Variants in RBMS3 observed in about 807,000 individuals in gnomAD.
The protein encoded by RBMS3 is RNA binding motif single stranded interacting protein 3, also known as RNA-binding motif, single-stranded-interacting protein 3.
A neutral mutation model predicts 66.8 loss-of-function variants in RBMS3; 27 were observed. That is an observed-to-expected ratio of 0.40 (90% CI 0.30 to 0.56). RBMS3 has a LOEUF of 0.56. RBMS3 is among the 20% of genes least tolerant of loss of function. The pLI is 0.40. For synonymous variants in RBMS3, 188 were observed against 183.0 expected, an observed-to-expected ratio of 1.03 and a Z score of -0.22; for missense variants, 513 against 549.5, an observed-to-expected ratio of 0.93 and a Z score of 0.66.
intron 2 of RBMS3, among the ~76,000 whole-genome samples, chr3:29,480,862 T>C (rs2043105284): frequency 6.6e-6 from 1 of 152,040 alleles, no homozygotes; most frequent in Non-Finnish European, 1.5e-5. Flanking sequence ...AGGTGATAGA[T>C]AGGGGAACAG....
At chr3:29,653,216 GA>G in intron 4 of RBMS3, among the ~76,000 whole-genome samples, 1 of 152,230 alleles carries the variant, frequency 6.6e-6, no homozygotes, top group South Asian at 2.1e-4. Context: ...TTAGCCATTA[GA>G]TCTCAGATAA....
rs1023897106 is a variant in RBMS3, at chr3:29,496,187, G to A, written c.307+7688G>A. 1.0e-4 allele frequency among the ~76,000 whole-genome samples: 11 copies of A among 106,548 alleles called. No homozygotes were observed. In the East Asian group the frequency reaches 1.1e-3, roughly 10 times the overall value. 69.9% of individuals were successfully genotyped at this position (106,548 alleles called of 152,430 possible). ...CATATAATGGGATTAGGTATACCCCGCCCACATCAAAAAAAAAAAAAAAAA... is the reference window on the plus strand; with the variant it reads ...CATATAATGGGATTAGGTATACCCCACCCACATCAAAAAAAAAAAAAAAAA... On this transcript the variant is annotated intron_variant, in intron 3 of 14. Transcript: ENST00000383767.
At chr3:29,669,606 TA>T (rs2050910164) in intron 4 of RBMS3, among the ~76,000 whole-genome samples, 1 of 152,128 alleles carries the variant, frequency 6.6e-6, no homozygotes, top group African/African-American at 2.4e-5. Context: ...ATTATTGATT[TA>T]AAAACAAAGC....
chr3:29,621,229 A>G (rs1193306763), intron 4 of RBMS3, among the ~76,000 whole-genome samples: 1 of 151,972 alleles, frequency 6.6e-6, no homozygotes, highest in Non-Finnish European at 1.5e-5. Context: ...CAGCATAATA[A>G]TTCTATGTAT....
intron 1 of RBMS3, among the ~76,000 whole-genome samples, chr3:29,431,241 A>T (rs193158118): frequency 2.5e-4 from 38 of 151,842 alleles, no homozygotes; most frequent in Non-Finnish European, 5.0e-4. Flanking sequence ...AAAAATGTTG[A>T]TACTAAAGCA....
At chr3:29,705,487 G>A (rs1394994442) in intron 4 of RBMS3, among the ~76,000 whole-genome samples, 1 of 152,150 alleles carries the variant, frequency 6.6e-6, no homozygotes, top group African/African-American at 2.4e-5. Flanking sequence ...CTGTACTTAG[G>A]CACAGCAAGT....
chr3:29,360,521 C>G (rs1446096034), intron 1 of RBMS3, among the ~76,000 whole-genome samples: 1 of 151,982 alleles, frequency 6.6e-6, no homozygotes, highest in Non-Finnish European at 1.5e-5. Flanking sequence ...AATGTATATT[C>G]TGTTGATTTG....
intron 3 of RBMS3, among the ~76,000 whole-genome samples, chr3:29,581,796 C>T (rs1469803398): frequency 1.3e-5 from 2 of 152,132 alleles, no homozygotes; most frequent in African/African-American, 4.8e-5. Flanking sequence ...CAGTTACACT[C>T]TGAGAGCAAG....
intron 10 of RBMS3, among the ~76,000 whole-genome samples, chr3:29,931,631 TCAAAACAAAA>T (rs10682087): frequency 3.3e-5 from 5 of 150,366 alleles, no homozygotes; most frequent in Admixed American, 1.3e-4. Flanking sequence ...TGAACCCTCA[TCAAAACAAAA>T]CAAAACAAAA....
At chr3:29,719,002 A>G (rs543275447) in intron 4 of RBMS3, among the ~76,000 whole-genome samples, 1 of 152,312 alleles carries the variant, frequency 6.6e-6, no homozygotes, top group Non-Finnish European at 1.5e-5. Flanking sequence ...GTGTGAACAT[A>G]TAGGTATGCT....
At chr3:29,965,358 C>T (rs937079885) in intron 12 of RBMS3, among the ~76,000 whole-genome samples, 7 of 152,084 alleles carry the variant, frequency 4.6e-5, no homozygotes, top group African/African-American at 1.7e-4. Flanking sequence ...TAGAAGTGTT[C>T]CCTGATTACT....
chr3:29,468,044 G>C (rs972838654), intron 2 of RBMS3, among the ~76,000 whole-genome samples: 3 of 152,050 alleles, frequency 2.0e-5, no homozygotes, highest in Non-Finnish European at 4.4e-5. Context: ...GAATGCTATT[G>C]ACACTTTCAG....
At chr3:29,287,970 T>G (rs572967739) in intron 1 of RBMS3, among the ~76,000 whole-genome samples, 1 of 152,198 alleles carries the variant, frequency 6.6e-6, no homozygotes, top group Non-Finnish European at 1.5e-5. Context: ...TAAAAATGTT[T>G]TGTTTTATCC....
At chr3:29,592,894 A>C (rs974105304) in intron 4 of RBMS3, among the ~76,000 whole-genome samples, 24 of 151,750 alleles carry the variant, frequency 1.6e-4, no homozygotes, top group Admixed American at 5.9e-4. Flanking sequence ...CATTCTCAGC[A>C]AACTATCGCA....
chr3:29,506,207 C>A (rs2044174918), intron 3 of RBMS3, among the ~76,000 whole-genome samples: 1 of 151,874 alleles, frequency 6.6e-6, no homozygotes, highest in Non-Finnish European at 1.5e-5. Flanking sequence ...GAGATATTAG[C>A]TATGGTCCAT....
At chr3:29,674,310 A>G (rs527651847) in intron 4 of RBMS3, among the ~76,000 whole-genome samples, 1 of 152,322 alleles carries the variant, frequency 6.6e-6, no homozygotes, top group South Asian at 2.1e-4. Flanking sequence ...CTAAATGGGC[A>G]AAGATTGGAA....
At chr3:29,708,053 G>T (rs1311662818) in intron 4 of RBMS3, among the ~76,000 whole-genome samples, 1 of 152,190 alleles carries the variant, frequency 6.6e-6, no homozygotes, top group Non-Finnish European at 1.5e-5. Flanking sequence ...CTTCCGTTTA[G>T]AGAGTATCAT....
At chr3:29,586,689 C>T (rs531083110) in intron 3 of RBMS3, among the ~76,000 whole-genome samples, 6 of 152,140 alleles carry the variant, frequency 3.9e-5, no homozygotes, top group African/African-American at 9.6e-5. Context: ...TAACCTTTTG[C>T]GAGTTCTTAT....
chr3:29,550,467 A>C (rs2149030738), intron 3 of RBMS3, among the ~76,000 whole-genome samples: 1 of 152,300 alleles, frequency 6.6e-6, no homozygotes, highest in African/African-American at 2.4e-5. Context: ...TTTTAGAAAA[A>C]TGATTTAGTG....
Sources: allele counts gnomAD v4.1 joint callset (sites outside exome capture counted in the v4.1 genomes callset), GRCh38; gene constraint gnomAD v4.1.1; transcripts MANE v1.5; gene names NCBI Gene and HGNC (gene_info 2026-07-23, HGNC 2026-07-21).